The following EXT1 variants were observed in gnomAD, a reference collection of about 807,000 sequenced individuals.
EXT1 encodes exostosin glycosyltransferase 1, also known as exostosin-1.
Under a neutral mutation model 82.5 loss-of-function variants are expected in EXT1, and 20 were observed. The observed-to-expected ratio is 0.24, with a 90% confidence interval of 0.17 to 0.35. The LOEUF (loss-of-function observed/expected upper bound fraction) is 0.35, where lower values mean the gene tolerates loss of function less well. Among genes scored for constraint, EXT1 ranks in the 10% least tolerant of loss-of-function variants. The pLI is 1.00. For missense variants in EXT1, 757 were observed against 936.5 expected (o/e 0.81, Z 2.50); for synonymous variants, 348 against 350.8 (o/e 0.99, Z 0.09).
chr8:118,108,975 G>A (rs1054975841), intron 1 of EXT1, among the ~76,000 whole-genome samples: 5 of 152,102 alleles, frequency 3.3e-5, no homozygotes, highest in South Asian at 2.1e-4. Context: ...TTTAACTGGC[G>A]TAACGTGGAA....
chr8:117,973,805 G>GGAAAT, intron 1 of EXT1, among the ~76,000 whole-genome samples: 1 of 13,270 alleles, frequency 7.5e-5, no homozygotes, highest in African/African-American at 4.1e-4. Context: ...AAAAGAGAAA[G>GGAAAT]GAAAGGAAAG....
chr8:118,007,019 C>T (rs138657339), intron 1 of EXT1, among the ~76,000 whole-genome samples: 5 of 152,294 alleles, frequency 3.3e-5, no homozygotes, highest in Admixed American at 2.0e-4. Flanking sequence ...GATGGCTGGC[C>T]GGGCGCGGTG....
rs545838973 is a variant in EXT1 at position 118,076,394 on chromosome 8, G to A, written c.962+33691C>T. ...CTGGTTTGGATGAATTTTAACAACA[G>A]CTGTAAACGTTAGTAAGTTTTCAAT... On this transcript the variant is annotated intron_variant, in intron 1 of 10. Coordinates refer to ENST00000378204, the MANE Select transcript of EXT1 (RefSeq NM_000127.3). Among the ~76,000 whole-genome samples the A allele has an allele frequency of 9.2e-5, 14 of 152,364 alleles. No individual in the cohort carries two copies. In the South Asian group the frequency reaches 2.7e-3, roughly 29 times the overall value.
At chr8:117,984,876 A>G (rs566175321) in intron 1 of EXT1, among the ~76,000 whole-genome samples, 2 of 152,188 alleles carry the variant, frequency 1.3e-5, no homozygotes, top group Non-Finnish European at 2.9e-5. Context: ...CACCACCTCA[A>G]AAATGATCAA....
intron 1 of EXT1, among the ~76,000 whole-genome samples, chr8:118,026,009 A>G (rs1034728423): frequency 1.3e-5 from 2 of 152,080 alleles, no homozygotes; most frequent in East Asian, 3.9e-4. Context: ...GGACTGCCAC[A>G]CTCTGGATGG....
chr8:117,877,686 T>C (rs1812994507), intron 1 of EXT1, among the ~76,000 whole-genome samples: 1 of 152,154 alleles, frequency 6.6e-6, no homozygotes, highest in Non-Finnish European at 1.5e-5. Flanking sequence ...TGTGGAAATA[T>C]AGCAGCCCCT....
intron 1 of EXT1, among the ~76,000 whole-genome samples, chr8:118,109,225 A>T (rs1169648901): frequency 6.6e-6 from 1 of 151,954 alleles, no homozygotes; most frequent in Non-Finnish European, 1.5e-5. Flanking sequence ...GCCTCACTAC[A>T]GAGGGTAAGG....
At chr8:118,054,597 C>T (rs534335417) in intron 1 of EXT1, among the ~76,000 whole-genome samples, 26 of 152,282 alleles carry the variant, frequency 1.7e-4, no homozygotes, top group African/African-American at 6.3e-4. Context: ...AAAGATACTG[C>T]CATCTCCATT....
chr8:117,861,488 CTTTTTTTTT>C (rs755653091), intron 1 of EXT1, among the ~76,000 whole-genome samples: 3 of 86,824 alleles, frequency 3.5e-5, no homozygotes, highest in African/African-American at 8.7e-5. Flanking sequence ...AAGTTTTTAT[CTTTTTTTTT>C]TTTTTTTTTT....
intron 1 of EXT1, among the ~76,000 whole-genome samples, chr8:118,065,668 T>G (rs932326212): frequency 6.6e-6 from 1 of 152,236 alleles, no homozygotes; most frequent in Non-Finnish European, 1.5e-5. Flanking sequence ...GAACTTACAC[T>G]TTGGGAAATT....
intron 1 of EXT1, among the ~76,000 whole-genome samples, chr8:117,843,567 G>A (rs1487422707): frequency 6.6e-6 from 1 of 152,162 alleles, no homozygotes; most frequent in Non-Finnish European, 1.5e-5. Context: ...TTGGGGAGGG[G>A]AAGGTATGGG....
chr8:117,837,204 A>T lies in EXT1; in HGVS notation c.963-3T>A. ...GCAGCATTTCCCGATAATCATACCT[A>T]GAAAGAGAAGAGGAGTAAACAGCAA... is the stretch of plus-strand genomic sequence containing the variant. On this transcript the variant is annotated splice_polypyrimidine_tract_variant and splice_region_variant and intron_variant, in intron 1 of 10. Transcript: ENST00000378204. 1.2e-6 allele frequency: 2 copies of T among 1,610,838 alleles called. No homozygotes were observed. The highest frequency in any genetic ancestry group is 1.7e-6 in the Non-Finnish European group (2 of 1,177,188).
intron 1 of EXT1, among the ~76,000 whole-genome samples, chr8:117,923,353 G>T (rs1373121742): frequency 6.6e-6 from 1 of 151,780 alleles, no homozygotes; most frequent in Non-Finnish European, 1.5e-5. Flanking sequence ...AGGACAGTGA[G>T]CAGGGGGATG....
chr8:117,839,504 A>G (rs1435818956), intron 1 of EXT1, among the ~76,000 whole-genome samples: 2 of 152,196 alleles, frequency 1.3e-5, no homozygotes, highest in African/African-American at 4.8e-5. Flanking sequence ...CATGTCTAAC[A>G]TATGTGTGTA....
chr8:117,872,180 G>A (rs1270769404), intron 1 of EXT1, among the ~76,000 whole-genome samples: 2 of 142,702 alleles, frequency 1.4e-5, no homozygotes, highest in East Asian at 4.6e-4. Context: ...GGGAGGGAGG[G>A]AAAGAAAAAA....
At chr8:118,012,590 C>A (rs1036866844) in intron 1 of EXT1, among the ~76,000 whole-genome samples, 2 of 152,190 alleles carry the variant, frequency 1.3e-5, no homozygotes, top group Admixed American at 1.3e-4. Flanking sequence ...GGTGGAGACA[C>A]CTGGCTGAAA....
chr8:118,106,892 C>T (rs2130034012), intron 1 of EXT1, among the ~76,000 whole-genome samples: 1 of 152,278 alleles, frequency 6.6e-6, no homozygotes, highest in Admixed American at 6.5e-5. Flanking sequence ...ATAATTACAG[C>T]TATCATAAAA....
At chr8:117,809,153 GTGTA>G (rs956156843) in intron 8 of EXT1, among the ~76,000 whole-genome samples, 43 of 147,678 alleles carry the variant, frequency 2.9e-4, no homozygotes, top group Admixed American at 4.1e-4. Context: ...CTCTCTCTCA[GTGTA>G]TGTATGTATG....
chr8:118,110,901 G>C lies in EXT1; in HGVS notation c.146C>G (p.Pro49Arg), dbSNP rs150846666. The C allele has an allele frequency of 1.2e-5, 19 of 1,613,954 alleles. No homozygotes were observed. The highest frequency in any genetic ancestry group is 8.8e-5 in the South Asian group (8 of 91,082). Residue 49 changes from proline to arginine, a missense_variant, in exon 1 of 11, where the codon CCC becomes CGC. Transcript: ENST00000378204. ...EHSGRNGLHH[P>R]SPDHFWPRFP... ...GCGGGGCCAGAAATGATCCGGACTG[G>C]GGTGGTGCAAGCCATTCCTACCGCT...
Sources: allele counts gnomAD v4.1 joint callset (sites outside exome capture counted in the v4.1 genomes callset), GRCh38; gene constraint gnomAD v4.1.1; transcripts MANE v1.5; gene names NCBI Gene and HGNC (gene_info 2026-07-23, HGNC 2026-07-21).